Variants in CNTNAP2 observed in about 807,000 individuals in gnomAD.
The protein encoded by CNTNAP2 is contactin associated protein 2.
CNTNAP2 carries 98 observed loss-of-function variants against 155.2 expected under a neutral mutation model. That is an observed-to-expected ratio of 0.63 (90% CI 0.54 to 0.75). The LOEUF is 0.75. CNTNAP2 is among the 30% of genes least tolerant of loss of function. CNTNAP2 has a pLI of 0.00. For synonymous variants in CNTNAP2, 651 were observed against 631.2 expected, an observed-to-expected ratio of 1.03 and a Z score of -0.47; for missense variants, 1,727 against 1,688.1, an observed-to-expected ratio of 1.02 and a Z score of -0.40.
At chr7:148,262,040 G>A (rs1796572157) in intron 20 of CNTNAP2, among the ~76,000 whole-genome samples, 2 of 152,172 alleles carry the variant, frequency 1.3e-5, no homozygotes, top group Admixed American at 6.5e-5. Context: ...AGGAAGCAAC[G>A]AGTTGATTGA....
chr7:146,806,474 C>T (rs1802968989), intron 2 of CNTNAP2, among the ~76,000 whole-genome samples: 1 of 144,602 alleles, frequency 6.9e-6, no homozygotes. Context: ...CCAGCTTAGG[C>T]AACAAGAGCA....
At chr7:146,275,685 C>G (rs1471868764) in intron 1 of CNTNAP2, among the ~76,000 whole-genome samples, 2 of 152,166 alleles carry the variant, frequency 1.3e-5, no homozygotes, top group African/African-American at 4.8e-5. Context: ...ACATGAGCCT[C>G]TATATCTTCC....
At position 146,404,119 on chromosome 7, in the gene CNTNAP2, C is replaced by T. The variant is rs1308166273; in HGVS notation, c.97+287146C>T. 1.3e-4 allele frequency among the ~76,000 whole-genome samples: 8 copies of T among 61,596 alleles called. No individual in the cohort carries two copies. The African/African-American group carries it at 2.1e-3, about 16-fold the overall frequency. 40.4% of individuals were successfully genotyped at this position (61,596 alleles called of 152,430 possible). Reference sequence around the variant, plus strand: ...CAGCCTGGGCGACAGAGCGAGACTCCGTCTCAAAAAAAAAAAAAAAAAACA... The same window carrying T: ...CAGCCTGGGCGACAGAGCGAGACTCTGTCTCAAAAAAAAAAAAAAAAAACA... On this transcript the variant is annotated intron_variant, in intron 1 of 23. Transcript: ENST00000361727.
chr7:147,050,393 C>T (rs1344393128), intron 4 of CNTNAP2, among the ~76,000 whole-genome samples: 4 of 152,102 alleles, frequency 2.6e-5, no homozygotes, highest in Admixed American at 6.5e-5. Context: ...AAAGTAAGGA[C>T]GGCACCTTGG....
rs570803064 is a variant in CNTNAP2, at chr7:148,342,430, A to G, written c.3476-41219A>G. ...ATTTTCTCATTCTAATGTATCCTGT[A>G]AGTGTTCTTTCTGTACTTCTTGTTA... On this transcript the variant is annotated intron_variant, in intron 21 of 23. Coordinates refer to ENST00000361727, the MANE Select transcript of CNTNAP2 (RefSeq NM_014141.6). 4.1e-4 allele frequency among the ~76,000 whole-genome samples: 63 copies of G among 152,330 alleles called. 1 individual carries two copies. Among genetic ancestry groups the G allele is most frequent in the African/African-American group, 1.5e-3 (63 of 41,580 alleles).
intron 22 of CNTNAP2, among the ~76,000 whole-genome samples, chr7:148,402,126 G>A (rs1445442580): frequency 4.6e-5 from 7 of 152,158 alleles, no homozygotes; most frequent in East Asian, 1.9e-4. Flanking sequence ...AGCCGATGAC[G>A]ACAAATTTGT....
At chr7:147,898,802 G>A (rs1799813685) in intron 13 of CNTNAP2, among the ~76,000 whole-genome samples, 1 of 152,176 alleles carries the variant, frequency 6.6e-6, no homozygotes, top group South Asian at 2.1e-4. Flanking sequence ...ACAGGTGTGA[G>A]CCACCACGTC....
chr7:147,590,399 G>A (rs1019462384), intron 12 of CNTNAP2, among the ~76,000 whole-genome samples: 13 of 152,236 alleles, frequency 8.5e-5, no homozygotes, highest in African/African-American at 2.6e-4. Context: ...TCTTGTGACA[G>A]TGAGTTCTCA....
chr7:147,215,810 A>G (rs1020422692), intron 8 of CNTNAP2, among the ~76,000 whole-genome samples: 4 of 152,174 alleles, frequency 2.6e-5, no homozygotes, highest in African/African-American at 9.7e-5. Flanking sequence ...TTTCACTGGT[A>G]ATAAATGAGA....
chr7:147,718,990 C>T (rs948809055), intron 13 of CNTNAP2, among the ~76,000 whole-genome samples: 1 of 152,074 alleles, frequency 6.6e-6, no homozygotes, highest in Non-Finnish European at 1.5e-5. Context: ...ATGAAAAACT[C>T]TGTTAACAGG....
At chr7:148,273,311 T>C (rs773788231) in intron 21 of CNTNAP2, among the ~76,000 whole-genome samples, 1 of 152,182 alleles carries the variant, frequency 6.6e-6, no homozygotes, top group Non-Finnish European at 1.5e-5. Flanking sequence ...TCCTGTTCCA[T>C]TGGCAACTAG....
At chr7:146,983,579 A>G (rs1260275813) in intron 3 of CNTNAP2, among the ~76,000 whole-genome samples, 2 of 152,196 alleles carry the variant, frequency 1.3e-5, no homozygotes, top group Admixed American at 6.5e-5. Flanking sequence ...TCTCTTCCAT[A>G]TTACATTTGA....
intron 3 of CNTNAP2, among the ~76,000 whole-genome samples, chr7:146,894,807 A>C (rs1795844110): frequency 6.6e-6 from 1 of 152,176 alleles, no homozygotes; most frequent in Non-Finnish European, 1.5e-5. Context: ...ATCGATATCC[A>C]ATAAATATGA....
chr7:146,925,896 G>A (rs1276512018), intron 3 of CNTNAP2, among the ~76,000 whole-genome samples: 2 of 152,104 alleles, frequency 1.3e-5, no homozygotes, highest in East Asian at 1.9e-4. Context: ...AGGTTAAGGT[G>A]ACAATCCAGA....
chr7:146,878,426 C>T (rs751991152), intron 3 of CNTNAP2, among the ~76,000 whole-genome samples: 141 of 151,338 alleles, frequency 9.3e-4, no homozygotes, highest in Non-Finnish European at 1.6e-3. Context: ...TACATTTTCC[C>T]TTTCCCACAA....
chr7:148,131,253 C>T (rs1585142487), intron 16 of CNTNAP2, among the ~76,000 whole-genome samples: 1 of 151,962 alleles, frequency 6.6e-6, no homozygotes, highest in Non-Finnish European at 1.5e-5. Context: ...CTCACGCCAC[C>T]ACGCCTCGCT....
chr7:147,398,996 G>C (rs1237354070), intron 10 of CNTNAP2, among the ~76,000 whole-genome samples: 46 of 151,920 alleles, frequency 3.0e-4, no homozygotes, highest in Non-Finnish European at 1.0e-4. Context: ...ACCAGGATAA[G>C]CCTCCGTTGA....
intron 1 of CNTNAP2, among the ~76,000 whole-genome samples, chr7:146,349,673 A>G (rs1794882547): frequency 6.6e-6 from 1 of 152,110 alleles, no homozygotes; most frequent in South Asian, 2.1e-4. Context: ...GGTGGTGACA[A>G]AATCTCTCAG....
At chr7:147,134,510 T>C (rs767904484) in intron 8 of CNTNAP2, among the ~76,000 whole-genome samples, 34 of 151,670 alleles carry the variant, frequency 2.2e-4, no homozygotes, top group Non-Finnish European at 4.1e-4. Flanking sequence ...TATATAAATA[T>C]ATATATATAC....
Sources: gnomAD v4.1 joint callset for allele counts (sites outside exome capture counted in the v4.1 genomes callset) on GRCh38, gnomAD v4.1.1 for gene constraint, MANE v1.5 for transcripts, NCBI Gene and HGNC (gene_info 2026-07-23, HGNC 2026-07-21) for gene names.